The following ZFHX3 variants were observed in gnomAD, a reference collection of about 807,000 sequenced individuals.
ZFHX3 encodes the protein zinc finger homeobox 3.
Under a neutral mutation model 279.1 loss-of-function variants are expected in ZFHX3, and 42 were observed. The observed-to-expected ratio is 0.15, with a 90% CI of 0.12 to 0.19. The LOEUF (loss-of-function observed/expected upper bound fraction) is 0.19. Among genes scored for constraint, ZFHX3 ranks in the 10% least tolerant of loss-of-function variants. ZFHX3 has a pLI of 1.00. For synonymous variants in ZFHX3, 2,293 were observed against 1,957.8 expected, an observed-to-expected ratio of 1.17 and a Z score of -4.52; for missense variants, 4,981 against 4,754.0, an observed-to-expected ratio of 1.05 and a Z score of -1.40.
chr16:73,769,265 C>A (rs907635106), intron 1 of ZFHX3, among the ~76,000 whole-genome samples: 2 of 152,054 alleles, frequency 1.3e-5, no homozygotes, highest in Non-Finnish European at 2.9e-5. Context: ...CATATGGTGC[C>A]CCCTCTGACT....
rs185019562 is a variant in ZFHX3 at position 73,596,259 on chromosome 16, G to A, written c.-1547+83921C>T. Reference sequence around the variant, plus strand: ...ATGTTAGTCTCTATCTCCTGACTTCGTGATCCACCCACCTCGGCCTCCCAA... The same window carrying A: ...ATGTTAGTCTCTATCTCCTGACTTCATGATCCACCCACCTCGGCCTCCCAA... On this transcript the variant is annotated intron_variant, in intron 2 of 17. Transcript: ENST00000641206. 3.3e-5 allele frequency among the ~76,000 whole-genome samples: 5 copies of A among 152,156 alleles called. No homozygotes were observed. The East Asian group carries it at 7.7e-4, about 24-fold the overall frequency.
At chr16:73,854,945 T>C (rs1404023462) in intron 1 of ZFHX3, among the ~76,000 whole-genome samples, 2 of 151,924 alleles carry the variant, frequency 1.3e-5, no homozygotes, top group Non-Finnish European at 2.9e-5. Flanking sequence ...TATGTTGTTA[T>C]TACATAAACC....
At chr16:73,110,481 T>C (rs549383281) in intron 7 of ZFHX3, among the ~76,000 whole-genome samples, 2 of 152,338 alleles carry the variant, frequency 1.3e-5, no homozygotes, top group South Asian at 4.1e-4. Context: ...TTTAAAAACA[T>C]ATATAATTCA....
At chr16:73,663,469 A>G (rs2052805854) in intron 2 of ZFHX3, among the ~76,000 whole-genome samples, 1 of 152,230 alleles carries the variant, frequency 6.6e-6, no homozygotes, top group Admixed American at 6.5e-5. Context: ...TCTAGTTTCC[A>G]GTTCCAATTT....
chr16:72,919,287 T>C (rs544726289), intron 3 of ZFHX3, among the ~76,000 whole-genome samples: 2 of 151,806 alleles, frequency 1.3e-5, no homozygotes, highest in Non-Finnish European at 1.5e-5. Flanking sequence ...GCCTCCCAAG[T>C]AGCTAGGACT....
At chr16:73,143,853 A>G in intron 5 of ZFHX3, 1 of 1,191,088 alleles carries the variant, frequency 8.4e-7, no homozygotes, top group Non-Finnish European at 1.1e-6. Context: ...AAGAAAGGAC[A>G]AAAACACGGT....
intron 1 of ZFHX3, among the ~76,000 whole-genome samples, chr16:73,716,048 T>G (rs1298224911): frequency 2.0e-5 from 3 of 152,216 alleles, no homozygotes; most frequent in African/African-American, 7.2e-5. Context: ...ATTGACGTCT[T>G]TTGTCTATTT....
chr16:73,328,348 T>C (rs1420741342), intron 3 of ZFHX3, among the ~76,000 whole-genome samples: 8 of 152,212 alleles, frequency 5.3e-5, no homozygotes, highest in Non-Finnish European at 8.8e-5. Flanking sequence ...TAGTATTCCC[T>C]GTATTTGGTC....
chr16:72,889,518 G>GA (rs2038717262), intron 4 of ZFHX3, among the ~76,000 whole-genome samples: 1 of 148,944 alleles, frequency 6.7e-6, no homozygotes, highest in Non-Finnish European at 1.5e-5. Flanking sequence ...AGAAGAAGAA[G>GA]AAAGAAAAGA....
intron 4 of ZFHX3, among the ~76,000 whole-genome samples, chr16:72,888,655 A>C (rs1429328388): frequency 6.6e-6 from 1 of 152,234 alleles, no homozygotes; most frequent in Non-Finnish European, 1.5e-5. Flanking sequence ...AAGGGAAGGC[A>C]AGGGAAGGGG....
rs148446553 is a variant in ZFHX3 at position 73,297,119 on chromosome 16, C to T, written c.-1194+21121G>A. ...GTCTCGATCCCCTGACCTCGTGATC[C>T]GCCCGCCTAGGCCTCCCAAAGTGCT... On this transcript the variant is annotated intron_variant, in intron 4 of 17. Coordinates refer to the ZFHX3 transcript ENST00000641206. Among the ~76,000 whole-genome samples, 981 of 151,798 alleles carry T rather than the reference C, an allele frequency of 6.5e-3. 21 individuals carry two copies. Among genetic ancestry groups the T allele is most frequent in the Admixed American group, 0.038 (581 of 15,262 alleles).
intron 2 of ZFHX3, among the ~76,000 whole-genome samples, chr16:73,490,680 A>T (rs1184025887): frequency 6.6e-6 from 1 of 152,138 alleles, no homozygotes; most frequent in Admixed American, 6.5e-5. Context: ...TCTACAAAAA[A>T]TACAAAAATT....
intron 4 of ZFHX3, among the ~76,000 whole-genome samples, chr16:73,302,201 T>C (rs374075510): frequency 3.9e-5 from 6 of 152,188 alleles, no homozygotes; most frequent in African/African-American, 7.2e-5. Context: ...ATTTTTCCTC[T>C]GTCTTGGTTC....
At chr16:72,881,198 C>T (rs1431904649) in intron 4 of ZFHX3, among the ~76,000 whole-genome samples, 2 of 152,194 alleles carry the variant, frequency 1.3e-5, no homozygotes, top group East Asian at 3.8e-4. Context: ...AGCCCCATGG[C>T]ACTATTAAGC....
At chr16:73,231,854 A>AG (rs1382902365) in intron 5 of ZFHX3, among the ~76,000 whole-genome samples, 2 of 152,142 alleles carry the variant, frequency 1.3e-5, no homozygotes, top group African/African-American at 4.8e-5. Context: ...CCTGCCTTGG[A>AG]GGTAAATCCT....
chr16:73,300,629 G>A (rs540430763), intron 4 of ZFHX3, among the ~76,000 whole-genome samples: 9 of 152,230 alleles, frequency 5.9e-5, no homozygotes, highest in South Asian at 4.1e-4. Context: ...TCAGCCTCCC[G>A]CGAAGCTGGG....
chr16:73,708,208 T>A (rs563163991), intron 1 of ZFHX3, among the ~76,000 whole-genome samples: 1 of 152,208 alleles, frequency 6.6e-6, no homozygotes, highest in Non-Finnish European at 1.5e-5. Context: ...GGAGAAATCA[T>A]TGAAGTCTCC....
At chr16:73,483,930 G>GTTTTTTTTTTTTTTTTTT (rs1220305940) in intron 2 of ZFHX3, among the ~76,000 whole-genome samples, 1 of 129,934 alleles carries the variant, frequency 7.7e-6, no homozygotes, top group African/African-American at 2.9e-5. Flanking sequence ...CTCTGCCTTT[G>GTTTTTTTTTTTTTTTTTT]TTTTTTTTTT....
At chr16:73,690,861 T>G (rs1374469196) in intron 1 of ZFHX3, among the ~76,000 whole-genome samples, 1 of 152,182 alleles carries the variant, frequency 6.6e-6, no homozygotes, top group African/African-American at 2.4e-5. Flanking sequence ...CAGCCCCAGC[T>G]GATACCAATA....
Sources: allele counts gnomAD v4.1 joint callset (sites outside exome capture counted in the v4.1 genomes callset), GRCh38; gene constraint gnomAD v4.1.1; transcripts MANE v1.5; gene names NCBI Gene and HGNC (gene_info 2026-07-23, HGNC 2026-07-21).